PHF2: variants seen among roughly 807,000 people sequenced by gnomAD.
The protein encoded by PHF2 is lysine-specific demethylase PHF2.
In PHF2, 27 loss-of-function variants were observed where a neutral mutation model predicts 120.5. The ratio of observed to expected loss-of-function variants is 0.22; its 90% CI spans 0.17 to 0.31. The LOEUF (loss-of-function observed/expected upper bound fraction) is 0.31. Ranked by LOEUF, PHF2 falls within the 10% of genes least tolerant of loss-of-function variation. The pLI, the probability that PHF2 is intolerant of heterozygous loss-of-function variation, is 1.00. For missense variants in PHF2, 1,024 were observed against 1,434.8 expected (o/e 0.71, Z 4.63); for synonymous variants, 568 against 592.5 (o/e 0.96, Z 0.60).
In PHF2 at chr9:93,662,956, A is replaced by G; in HGVS notation, c.1748A>G (p.Gln583Arg). 6.2e-7 allele frequency: 1 copy of G among 1,614,156 alleles called. No individual in the cohort carries two copies. Among genetic ancestry groups the G allele is most frequent in the Non-Finnish European group, 8.5e-7 (1 of 1,179,986 alleles). Residue 583 changes from glutamine to arginine, a missense_variant, in exon 13 of 22, where the codon CAG (glutamine) becomes CGG (arginine). Transcript: ENST00000359246. The stretch of plus-strand genomic sequence containing the variant: ...CCCAACAAAGATGTGGTTCACATGC[A>G]GAATGATGTGGAGAGGCTGGAAATT... The part of the protein sequence containing the change: ...SVPNKDVVHM[Q>R]NDVERLEIRE...
chr9:93,638,969 C>T (rs1022064758), intron 3 of PHF2, among the ~76,000 whole-genome samples: 2 of 152,280 alleles, frequency 1.3e-5, no homozygotes, highest in East Asian at 1.9e-4. Context: ...CTGCCCACCT[C>T]GGCCTCCCAA....
chr9:93,609,054 T>A (rs1825591070), intron 1 of PHF2, among the ~76,000 whole-genome samples: 1 of 106,050 alleles, frequency 9.4e-6, no homozygotes, highest in Non-Finnish European at 2.4e-5. Flanking sequence ...TTTTCTCCTC[T>A]CAGCATATCA....
At chr9:93,637,004 A>C (rs1826104534) in intron 3 of PHF2, among the ~76,000 whole-genome samples, 1 of 152,234 alleles carries the variant, frequency 6.6e-6, no homozygotes, top group Non-Finnish European at 1.5e-5. Context: ...CACAGCCGGG[A>C]GCGGCTCCTG....
intron 3 of PHF2, among the ~76,000 whole-genome samples, chr9:93,641,934 G>C (rs1826178413): frequency 6.6e-6 from 1 of 152,090 alleles, no homozygotes; most frequent in Non-Finnish European, 1.5e-5. Context: ...TTAGGTCTTT[G>C]ACTCATTTTG....
At chr9:93,610,793 T>C (rs1275929782) in intron 1 of PHF2, among the ~76,000 whole-genome samples, 1 of 152,212 alleles carries the variant, frequency 6.6e-6, no homozygotes, top group Non-Finnish European at 1.5e-5. Context: ...ATGTGACTTC[T>C]GGGGCCTCTT....
At chr9:93,588,795 G>A (rs558302496) in intron 1 of PHF2, among the ~76,000 whole-genome samples, 2 of 152,286 alleles carry the variant, frequency 1.3e-5, no homozygotes, top group Admixed American at 1.3e-4. Flanking sequence ...GGAGGCTGAG[G>A]CAGGAGAATC....
At chr9:93,612,554 A>G (rs1185869626) in intron 1 of PHF2, among the ~76,000 whole-genome samples, 5 of 152,276 alleles carry the variant, frequency 3.3e-5, no homozygotes, top group African/African-American at 9.6e-5. Flanking sequence ...TAAAGTCACA[A>G]AATCACTAGT....
At chr9:93,582,460 GTC>G (rs1239817445) in intron 1 of PHF2, among the ~76,000 whole-genome samples, 1 of 152,166 alleles carries the variant, frequency 6.6e-6, no homozygotes, top group East Asian at 1.9e-4. Flanking sequence ...GTCTCTCAGG[GTC>G]TCTCGCTGTA....
intron 2 of PHF2, among the ~76,000 whole-genome samples, chr9:93,632,291 A>G (rs1162023771): frequency 6.6e-6 from 1 of 151,770 alleles, no homozygotes; most frequent in East Asian, 1.9e-4. Flanking sequence ...GAGGTTGCAG[A>G]TGGTGGGACC....
Position 93,656,642 on chromosome 9 carries a change from G to A in PHF2, c.1147+47G>A, listed in dbSNP as rs1826465270. ...GCGTCCAAGCCTGGGGCTCTTGGCT[G>A]TGGGGGCAGCCAGACCTGGTCAGGG... On this transcript the variant is annotated intron_variant, in intron 9 of 21. Transcript: ENST00000359246. The surrounding 1 kb of genome is among the most constrained non-coding windows in gnomAD (Gnocchi z 4.1). 3 of 1,357,554 alleles carry A rather than the reference G, an allele frequency of 2.2e-6. No individual in the cohort carries two copies. Among genetic ancestry groups the A allele is most frequent in the Non-Finnish European group, 3.2e-6 (3 of 950,772 alleles). 84.1% of individuals were successfully genotyped at this position (1,357,554 alleles called of 1,614,324 possible). A position where few individuals can be genotyped will look rare whatever the true frequency, so the allele number is the denominator to read the frequency against.
chr9:93,615,854 T>C (rs1825722390), intron 1 of PHF2, among the ~76,000 whole-genome samples: 1 of 152,164 alleles, frequency 6.6e-6, no homozygotes, highest in Non-Finnish European at 1.5e-5. Context: ...CAGGAGGCCT[T>C]CTCTGCAGGG....
Position 93,581,181 on chromosome 9 carries a change from G to A in PHF2, c.98+4310G>A, listed in dbSNP as rs574504144. ...CTGTGTCCACCTCCCTAGGGATGGA[G>A]TTGGCCTTTCTGGGCTCTCATTGTG... On this transcript the variant is annotated intron_variant, in intron 1 of 21. Transcript: ENST00000359246. Among the ~76,000 whole-genome samples the A allele has an allele frequency of 3.3e-5, 5 of 152,180 alleles. No individual in the cohort carries two copies. The East Asian group carries it at 9.6e-4, about 29-fold the overall frequency.
intron 1 of PHF2, among the ~76,000 whole-genome samples, chr9:93,615,209 T>TAGTGAG (rs1027893793): frequency 6.7e-6 from 1 of 148,842 alleles, no homozygotes; most frequent in Admixed American, 6.6e-5. Flanking sequence ...ATGATGGTGA[T>TAGTGAG]GGTGATGGTG....
chr9:93,614,812 ATGG>A (rs1162007048), intron 1 of PHF2, among the ~76,000 whole-genome samples: 1 of 152,102 alleles, frequency 6.6e-6, no homozygotes, highest in East Asian at 1.9e-4. Context: ...AATGATAGTG[ATGG>A]TGGTGGTAAT....
chr9:93,594,124 G>T (rs1170915462), intron 1 of PHF2, among the ~76,000 whole-genome samples: 1 of 152,120 alleles, frequency 6.6e-6, no homozygotes, highest in Non-Finnish European at 1.5e-5. Context: ...GCTGTGGTGG[G>T]TGAGGACACC....
chr9:93,660,460 A>G lies in PHF2; in HGVS notation c.1598A>G (p.Lys533Arg). ...LKDGGKKKGK[K>R]SRESASPTIP... The stretch of plus-strand genomic sequence containing the variant: ...GATGGAGGCAAGAAGAAAGGGAAGA[A>G]GTCCCGGGAGTCAGCCTCACCCACC... Residue 533 changes from lysine to arginine, a missense_variant, in exon 12 of 22, where the codon AAG (lysine) becomes AGG (arginine). Lys to Arg is a conservative substitution (Grantham distance 26). Coordinates refer to ENST00000359246, the MANE Select transcript of PHF2 (RefSeq NM_005392.4). The G allele has an allele frequency of 1.3e-6, 2 of 1,586,422 alleles. No homozygotes were observed. The highest frequency in any genetic ancestry group is 1.7e-6 in the Non-Finnish European group (2 of 1,166,752).
chr9:93,655,220 T>G (rs1826437495), intron 7 of PHF2, among the ~76,000 whole-genome samples: 1 of 152,028 alleles, frequency 6.6e-6, no homozygotes, highest in Non-Finnish European at 1.5e-5. Flanking sequence ...AGCATTTCCC[T>G]GGTATCATCA....
chr9:93,613,676 A>G (rs1825675387), intron 1 of PHF2, among the ~76,000 whole-genome samples: 1 of 150,920 alleles, frequency 6.6e-6, no homozygotes, highest in Non-Finnish European at 1.5e-5. Context: ...GAACTCCTTG[A>G]TCCTCCTGCC....
chr9:93,662,523 G>A (rs1587714661), intron 12 of PHF2, among the ~76,000 whole-genome samples: 1 of 146,848 alleles, frequency 6.8e-6, no homozygotes, highest in South Asian at 2.2e-4. Flanking sequence ...CGAATGGATG[G>A]ATGGGTGGGC....
Sources: gnomAD v4.1 joint callset for allele counts (sites outside exome capture counted in the v4.1 genomes callset) on GRCh38, gnomAD v4.1.1 for gene constraint, Gnocchi (gnomAD v3.1) non-coding constraint, MANE v1.5 for transcripts, NCBI Gene and HGNC (gene_info 2026-07-23, HGNC 2026-07-21) for gene names.